The following SPECC1 variants were observed in gnomAD, a reference collection of about 807,000 sequenced individuals.
SPECC1 encodes cytospin-B.
A neutral mutation model predicts 104.1 loss-of-function variants in SPECC1; 62 were observed. The ratio of observed to expected loss-of-function variants is 0.60; its 90% CI spans 0.49 to 0.74. The LOEUF (loss-of-function observed/expected upper bound fraction) is 0.74, where lower values mean the gene tolerates loss of function less well. Ranked by LOEUF, SPECC1 falls within the 30% of genes least tolerant of loss-of-function variation. The pLI, the probability that SPECC1 is intolerant of heterozygous loss-of-function variation, is 0.00. For missense variants in SPECC1, 1,306 were observed against 1,310.5 expected (o/e 1.00, Z 0.05); for synonymous variants, 513 against 501.6 (o/e 1.02, Z -0.30).
chr17:20,082,987 TTCGTTCGTTC>T (rs2047039239), intron 1 of SPECC1, among the ~76,000 whole-genome samples: 1 of 151,770 alleles, frequency 6.6e-6, no homozygotes, highest in Non-Finnish European at 1.5e-5. Flanking sequence ...CGTTCGTTCG[TTCGTTCGTTC>T]GTTCGTTCAT....
At chr17:20,011,631 T>C (rs1157504325) in intron 1 of SPECC1, among the ~76,000 whole-genome samples, 1 of 152,178 alleles carries the variant, frequency 6.6e-6, no homozygotes, top group Non-Finnish European at 1.5e-5. Context: ...TTCTATGACA[T>C]TAATTTCTGT....
intron 7 of SPECC1, among the ~76,000 whole-genome samples, chr17:20,243,668 A>G (rs531354024): frequency 3.9e-4 from 59 of 152,250 alleles, no homozygotes; most frequent in African/African-American, 1.3e-3. Flanking sequence ...GTTCTGGCCA[A>G]GTAGACTTAG....
chr17:20,265,773 A>G (rs1046198498), intron 12 of SPECC1, among the ~76,000 whole-genome samples: 16 of 152,208 alleles, frequency 1.1e-4, no homozygotes, highest in African/African-American at 3.9e-4. Context: ...TTTTATATGT[A>G]GTGACAGGTA....
chr17:20,240,153 G>A (rs1378922272), intron 7 of SPECC1, among the ~76,000 whole-genome samples: 12 of 131,452 alleles, frequency 9.1e-5, no homozygotes, highest in African/African-American at 3.4e-4. Context: ...CTGGGCTCAA[G>A]TGATCCTCCC....
rs374649923 is a variant in SPECC1, at chr17:20,246,222, A to G, written c.2497+151A>G. 267 of 874,306 alleles carry G rather than the reference A, an allele frequency of 3.1e-4. 2 individuals carry two copies. The East Asian group carries it at 6.8e-3, about 22-fold the overall frequency. 54.2% of individuals were successfully genotyped at this position (874,306 alleles called of 1,614,324 possible). A position where few individuals can be genotyped will look rare whatever the true frequency, so the allele number is the denominator to read the frequency against. ...CCTACCACGTGCAGCCACTGCATGC[A>G]GGAGCCTGGCTGAGGCTCCAGGGAG... is the stretch of plus-strand genomic sequence containing the variant. On this transcript the variant is annotated intron_variant, in intron 8 of 14. Coordinates refer to ENST00000395527, the MANE Select transcript of SPECC1 (RefSeq NM_001243439.2).
intron 1 of SPECC1, among the ~76,000 whole-genome samples, chr17:20,025,614 T>G (rs2044569786): frequency 6.6e-6 from 1 of 152,248 alleles, no homozygotes; most frequent in Admixed American, 6.5e-5. Context: ...GTTCATCAGA[T>G]GATGGGCATA....
At chr17:20,198,538 C>T (rs551263688) in intron 3 of SPECC1, among the ~76,000 whole-genome samples, 1 of 152,214 alleles carries the variant, frequency 6.6e-6, no homozygotes, top group Non-Finnish European at 1.5e-5. Flanking sequence ...CTGTCACCCA[C>T]AGCCATTAGC....
chr17:20,156,995 G>A (rs897478774), intron 3 of SPECC1, among the ~76,000 whole-genome samples: 1 of 152,066 alleles, frequency 6.6e-6, no homozygotes, highest in Admixed American at 6.6e-5. Context: ...GGGGGTGGGG[G>A]GCCGGTGACA....
At chr17:20,207,494 C>G (rs1266000324) in intron 4 of SPECC1, among the ~76,000 whole-genome samples, 1 of 152,142 alleles carries the variant, frequency 6.6e-6, no homozygotes, top group Non-Finnish European at 1.5e-5. Context: ...TGTGCACCTT[C>G]TTGAAGTTCT....
chr17:20,112,153 G>C, intron 3 of SPECC1: 1 of 763,358 alleles, frequency 1.3e-6, no homozygotes, highest in Non-Finnish European at 2.4e-6. Flanking sequence ...AGTGAATAAA[G>C]AACCTGATAG....
intron 3 of SPECC1, among the ~76,000 whole-genome samples, chr17:20,171,701 C>T (rs1329781345): frequency 4.6e-5 from 7 of 152,088 alleles, no homozygotes; most frequent in African/African-American, 1.4e-4. Context: ...ACGTGTGCCA[C>T]CTCACTTGGC....
chr17:20,086,565 C>A (rs2047185811), intron 1 of SPECC1, among the ~76,000 whole-genome samples: 1 of 152,172 alleles, frequency 6.6e-6, no homozygotes, highest in South Asian at 2.1e-4. Flanking sequence ...TCACCAGGGG[C>A]ATGTGGCATG....
chr17:20,148,187 T>G (rs2152564973), intron 3 of SPECC1, among the ~76,000 whole-genome samples: 1 of 152,350 alleles, frequency 6.6e-6, no homozygotes, highest in Middle Eastern at 3.4e-3. Flanking sequence ...GAGTTTATTA[T>G]TCAAGGAATC....
intron 3 of SPECC1, among the ~76,000 whole-genome samples, chr17:20,149,683 C>G (rs2031808020): frequency 6.6e-6 from 1 of 152,164 alleles, no homozygotes; most frequent in Non-Finnish European, 1.5e-5. Context: ...CTGAGTGCAA[C>G]TGTGTGCTGA....
intron 7 of SPECC1, among the ~76,000 whole-genome samples, chr17:20,239,878 G>GTTTTTTTT (rs60216339): frequency 5.4e-5 from 2 of 36,912 alleles, no homozygotes; most frequent in African/African-American, 2.4e-4. Context: ...ATTTCGCTGA[G>GTTTTTTTT]TTTTTTTTTT....
intron 1 of SPECC1, among the ~76,000 whole-genome samples, chr17:20,094,174 A>T (rs1296757260): frequency 6.6e-6 from 1 of 152,160 alleles, no homozygotes; most frequent in Non-Finnish European, 1.5e-5. Context: ...TGTGGGCAGC[A>T]GGAGGGGGAT....
intron 4 of SPECC1, among the ~76,000 whole-genome samples, chr17:20,218,038 C>A (rs2037618434): frequency 6.6e-6 from 1 of 152,000 alleles, no homozygotes; most frequent in Admixed American, 6.6e-5. Context: ...TCCCTTGACT[C>A]CAAAAAAACT....
chr17:20,238,258 A>G (rs1036711719), intron 7 of SPECC1: 2 of 1,041,024 alleles, frequency 1.9e-6, no homozygotes, highest in South Asian at 4.6e-5. Context: ...TGACAACTAC[A>G]CCAAAGTTTC....
intron 3 of SPECC1, among the ~76,000 whole-genome samples, chr17:20,167,936 G>A (rs2033794344): frequency 6.6e-6 from 1 of 152,088 alleles, no homozygotes; most frequent in South Asian, 2.1e-4. Context: ...TTAGGATCAG[G>A]TTAAGTCAAA....
Sources: gnomAD v4.1 joint callset for allele counts (sites outside exome capture counted in the v4.1 genomes callset) on GRCh38, gnomAD v4.1.1 for gene constraint, MANE v1.5 for transcripts, NCBI Gene and HGNC (gene_info 2026-07-23, HGNC 2026-07-21) for gene names.